Variants in MIB2 observed in about 807,000 individuals in gnomAD.
MIB2 encodes the protein MIB E3 ubiquitin protein ligase 2.
Under a neutral mutation model 96.6 loss-of-function variants are expected in MIB2, and 78 were observed. The observed-to-expected ratio is 0.81, with a 90% CI of 0.67 to 0.97. MIB2 has a LOEUF of 0.97. Among genes scored for constraint, MIB2 ranks in the 50% least tolerant of loss-of-function variants. The pLI is 0.00. For synonymous variants in MIB2, 820 were observed against 629.5 expected (o/e 1.30, Z -4.53); for missense variants, 1,543 against 1,424.0 (o/e 1.08, Z -1.35).
Position 1,629,212 on chromosome 1 carries a change from C to T in MIB2, c.2282C>T (p.Ala761Val). The T allele has an allele frequency of 6.5e-7, 1 of 1,531,578 alleles. No homozygotes were observed. The highest frequency in any genetic ancestry group is 8.7e-7 in the Non-Finnish European group (1 of 1,148,870). The allele number at this position is 1,531,578 out of a possible 1,614,324, so 94.9% of individuals were successfully genotyped here. ...AVACFLALEGADVSYTNHRGR... is the reference protein window; with the variant it reads ...AVACFLALEGVDVSYTNHRGR... ...GCCTGCTTCCTGGCGCTGGAGGGCG[C>T]CGACGTGAGCTACACCAACCACCGC... The change falls in exon 17 of 20, where the codon GCC becomes GTC. Residue 761 changes from alanine (A) to valine (V), a missense_variant. Coordinates refer to ENST00000355826, the MANE Select transcript of MIB2 (RefSeq NM_001170687.4).
At chr1:1,615,663 G>C (rs1048225457) in intron 1 of MIB2, 30 bp downstream of exon 1, 19 of 1,557,550 alleles carry the variant, frequency 1.2e-5, no homozygotes, top group Non-Finnish European at 1.6e-5. Flanking sequence ...TCCTCCCCTG[G>C]TCCTCCGCAC....
At chr1:1,629,618 A>G (rs1027514255) in intron 18 of MIB2, 21 bp from the exon 19 acceptor site, 22 of 1,574,786 alleles carry the variant, frequency 1.4e-5, no homozygotes, top group Non-Finnish European at 1.6e-5. Flanking sequence ...GCCGCAGCCA[A>G]CCGCGCTCTC....
Position 1,625,880 on chromosome 1 carries a change from G to A in MIB2, c.972+227G>A, listed in dbSNP as rs1644712940. The A allele has an allele frequency of 1.7e-6, 1 of 576,780 alleles. No homozygotes were observed. Among genetic ancestry groups the A allele is most frequent in the Non-Finnish European group, 3.1e-6 (1 of 322,186 alleles). 35.7% of individuals were successfully genotyped at this position (576,780 alleles called of 1,614,324 possible). A position where few individuals can be genotyped will look rare whatever the true frequency, so the allele number is the denominator to read the frequency against. ...AGGGTATGTCTCTGGGAGCTGGAAT[G>A]GGCAGGTTAGGGCCTCCCTCTGTTC... is the stretch of plus-strand genomic sequence containing the variant. On this transcript the variant is annotated intron_variant, in intron 8 of 19. Transcript: ENST00000355826. This position sits in a 1 kb window ranked among gnomAD's most constrained non-coding sequence, Gnocchi z 5.0.
intron 2 of MIB2, among the ~76,000 whole-genome samples, chr1:1,621,813 C>T (rs766449843): frequency 2.0e-5 from 3 of 152,232 alleles, no homozygotes; most frequent in African/African-American, 4.8e-5. Context: ...GGGCACGGAT[C>T]GGGAGCCCAG....
In MIB2 at chr1:1,615,544, C is replaced by G. The variant is rs1643520841; in HGVS notation, c.-219C>G. The G allele has an allele frequency of 6.5e-7, 1 of 1,535,294 alleles. No individual in the cohort carries two copies. Among genetic ancestry groups the G allele is most frequent in the South Asian group, 1.2e-5 (1 of 83,568 alleles). On this transcript the variant is annotated 5_prime_UTR_variant, in exon 1 of 20. Coordinates refer to ENST00000355826, the MANE Select transcript of MIB2 (RefSeq NM_001170687.4). ...TTCCAGCCGCCGCTCTCCTCAGTGC[C>G]CGGTGGCCCAGGAGGGCCTGGGAGC...
In MIB2 at chr1:1,629,538, G is replaced by C. The variant is rs1276897328; in HGVS notation, c.2535G>C (p.Ser845=). 6.5e-7 allele frequency: 1 copy of C among 1,546,824 alleles called. No homozygotes were observed. The highest frequency in any genetic ancestry group is 1.8e-4 in the Middle Eastern group (1 of 5,410). Residue 845 remains serine (S), a synonymous_variant, in exon 18 of 20, where the codon TCG becomes TCC. Coordinates refer to ENST00000355826, the MANE Select transcript of MIB2 (RefSeq NM_001170687.4). ...AGCTGGCGCTGCTGGTGCTGTTCTC[G>C]CCGTGCCAGCACCGCACCGTGTGTG... ...CSELALLVLF[S]PCQHRTVCEE...
At position 1,625,118 on chromosome 1, in the gene MIB2, G is replaced by A. The variant is rs1412165157; in HGVS notation, c.654G>A (p.Lys218=). 1.2e-6 allele frequency: 2 copies of A among 1,613,424 alleles called. No individual in the cohort carries two copies. The highest frequency in any genetic ancestry group is 1.1e-5 in the South Asian group (1 of 91,088). ...TGTACCGTGTGGGCCACAAGGGCAAGGTGGACCTCAAGTGTGTGGGCGAGG... is the reference window on the plus strand; with the variant it reads ...TGTACCGTGTGGGCCACAAGGGCAAAGTGGACCTCAAGTGTGTGGGCGAGG... The part of the protein sequence containing the change: ...TNVYRVGHKG[K]VDLKCVGEAA... The change falls in exon 6 of 20, where the codon AAG becomes AAA. Residue 218 remains lysine (K), a synonymous_variant. Transcript: ENST00000355826. This position sits in a 1 kb window ranked among gnomAD's most constrained non-coding sequence, Gnocchi z 5.0.
Position 1,625,074 on chromosome 1 carries a change from G to A in MIB2, c.610G>A (p.Ala204Thr), listed in dbSNP as rs560322880. 1.2e-6 allele frequency: 2 copies of A among 1,613,334 alleles called. No individual in the cohort carries two copies. Among genetic ancestry groups the A allele is most frequent in the East Asian group, 2.2e-5 (1 of 44,878 alleles). ...CCGGAGTGTGGCCAGCGTGACGTGG[G>A]CTGATGGTACCACCAATGTGTACCG... The part of the protein sequence containing the change: ...TGRSVASVTW[A>T]DGTTNVYRVG... The change falls in exon 6 of 20, where the codon GCT (alanine) becomes ACT (threonine). Residue 204 changes from alanine (A) to threonine (T), a missense_variant. Coordinates refer to ENST00000355826, the MANE Select transcript of MIB2 (RefSeq NM_001170687.4). The surrounding 1 kb of genome is among the most constrained non-coding windows in gnomAD (Gnocchi z 5.0).
chr1:1,615,507 G>C lies in MIB2; in HGVS notation c.-256G>C, dbSNP rs761459322. On this transcript the variant is annotated 5_prime_UTR_variant, in exon 1 of 20. Transcript: ENST00000355826. ...GGCGGGCCCTGGGCTCCCGCCCTTC[G>C]GGTCCCACAGTTTCCAGCCGCCGCT... The C allele has an allele frequency of 3.9e-6, 6 of 1,528,288 alleles. No homozygotes were observed. The African/African-American group carries it at 4.2e-5, about 11-fold the overall frequency. 94.7% of individuals were successfully genotyped at this position (1,528,288 alleles called of 1,614,324 possible). A position where few individuals can be genotyped will look rare whatever the true frequency, so the allele number is the denominator to read the frequency against.
chr1:1,624,041 C>T, intron 4 of MIB2, 96 bp downstream of exon 4: 2 of 1,369,472 alleles, frequency 1.5e-6, no homozygotes, highest in East Asian at 2.5e-5. Flanking sequence ...CCTGACCGCT[C>T]CCAGGAAGAC....
chr1:1,622,274 C>A (rs549244832), intron 2 of MIB2, among the ~76,000 whole-genome samples: 1 of 152,258 alleles, frequency 6.6e-6, no homozygotes, highest in Non-Finnish European at 1.5e-5. Context: ...CCCTCCCCGC[C>A]AGGCTGGAGT....
At chr1:1,616,433 C>CT in intron 1 of MIB2, 75 bp from the exon 2 acceptor site, 1 of 1,122,118 alleles carries the variant, frequency 8.9e-7, no homozygotes, top group African/African-American at 1.6e-5. Context: ...GGCGGGCAGC[C>CT]CCGGGGGCAG....
chr1:1,615,445 G>T (rs1643498608), upstream of MIB2: 2 of 1,505,246 alleles, frequency 1.3e-6, no homozygotes, highest in Non-Finnish European at 8.8e-7. Flanking sequence ...CCATCCCCGT[G>T]GCGGGGGCGT....
chr1:1,615,662 G>C, intron 1 of MIB2, 29 bp downstream of exon 1: 4 of 1,558,714 alleles, frequency 2.6e-6, no homozygotes, highest in Non-Finnish European at 3.5e-6. Context: ...CTCCTCCCCT[G>C]GTCCTCCGCA....
At chr1:1,627,942 G>A in intron 13 of MIB2, 77 bp from the exon 14 acceptor site, 1 of 1,604,922 alleles carries the variant, frequency 6.2e-7, no homozygotes, top group Non-Finnish European at 8.5e-7. Context: ...CTGCCCGTGA[G>A]TGCTGCTCCC....
At chr1:1,616,105 T>A in intron 1 of MIB2, 1 of 983,738 alleles carries the variant, frequency 1.0e-6, no homozygotes, top group Non-Finnish European at 1.2e-6. Context: ...CGGCAGGTAC[T>A]GCGCGGCCCT....
rs766879362 is a variant in MIB2, at chr1:1,626,697, T to G, written c.1020T>G (p.Leu340=). Residue 340 remains leucine (L), a synonymous_variant, in exon 9 of 20, where the codon CTT becomes CTG. Transcript: ENST00000355826. This position sits in a 1 kb window ranked among gnomAD's most constrained non-coding sequence, Gnocchi z 5.3. ...ACGTGGTCCGGGTCATCGGCGACCT[T>G]GACACAGTGAAGCGGCTGCAGGCTG... The part of the protein sequence containing the change: ...VGDVVRVIGD[L]DTVKRLQAGH... 121 of 1,600,470 alleles carry G rather than the reference T, an allele frequency of 7.6e-5. No homozygotes were observed. The highest frequency in any genetic ancestry group is 1.0e-4 in the Non-Finnish European group (117 of 1,173,114).
At chr1:1,617,462 G>A (rs1292777171) in intron 2 of MIB2, 1 of 152,258 alleles carries the variant, frequency 6.6e-6, no homozygotes, top group Non-Finnish European at 1.5e-5. Context: ...TTGTGAAAAA[G>A]AGAAACTAAG....
At position 1,626,757 on chromosome 1, in the gene MIB2, G is replaced by A. The variant is rs1269877929; in HGVS notation, c.1077+3G>A. On this transcript the variant is annotated splice_donor_region_variant and intron_variant, in intron 9 of 19. Transcript: ENST00000355826. This position sits in a 1 kb window ranked among gnomAD's most constrained non-coding sequence, Gnocchi z 5.3. Reference sequence around the variant, plus strand: ...AGTGGACGGACGACATGGCCCCTGTGAGTCCCCCTGCCACCCCCGCCGCTA... The same window carrying A: ...AGTGGACGGACGACATGGCCCCTGTAAGTCCCCCTGCCACCCCCGCCGCTA... 2.3e-5 allele frequency: 37 copies of A among 1,575,168 alleles called. No homozygotes were observed. Among genetic ancestry groups the A allele is most frequent in the Non-Finnish European group, 2.7e-5 (32 of 1,164,044 alleles).
Sources: allele counts gnomAD v4.1 joint callset (sites outside exome capture counted in the v4.1 genomes callset), GRCh38; gene constraint gnomAD v4.1.1; non-coding constraint Gnocchi (gnomAD v3.1); transcripts MANE v1.5; gene names NCBI Gene and HGNC (gene_info 2026-07-23, HGNC 2026-07-21).